ARFGEF3: variants seen among roughly 807,000 people sequenced by gnomAD.
ARFGEF3 encodes the protein ARFGEF family member 3, also known as brefeldin A-inhibited guanine nucleotide-exchange protein 3.
In ARFGEF3, 96 loss-of-function variants were observed where a neutral mutation model predicts 221.7. That is an observed-to-expected ratio of 0.43 (90% CI 0.37 to 0.51). The LOEUF (loss-of-function observed/expected upper bound fraction) is 0.51, where lower values mean the gene tolerates loss of function less well. ARFGEF3 is among the 20% of genes least tolerant of loss of function. The pLI is 0.00. For synonymous variants in ARFGEF3, 1,145 were observed against 1,126.8 expected, an observed-to-expected ratio of 1.02 and a Z score of -0.32; for missense variants, 2,410 against 2,789.9, an observed-to-expected ratio of 0.86 and a Z score of 3.07.
chr6:138,257,875 A>C (rs537263680), intron 10 of ARFGEF3, among the ~76,000 whole-genome samples: 1 of 152,226 alleles, frequency 6.6e-6, no homozygotes, highest in South Asian at 2.1e-4. Context: ...AAAATGCACT[A>C]AAGTTTGCTT....
At chr6:138,266,467 G>A (rs1778893789) in intron 12 of ARFGEF3, among the ~76,000 whole-genome samples, 1 of 152,070 alleles carries the variant, frequency 6.6e-6, no homozygotes, top group Admixed American at 6.6e-5. Context: ...TCAAACTCCT[G>A]GGCTCAAACA....
At chr6:138,293,513 C>T (rs190799674) in intron 19 of ARFGEF3, among the ~76,000 whole-genome samples, 95 of 152,278 alleles carry the variant, frequency 6.2e-4, no homozygotes, top group African/African-American at 9.1e-4. Flanking sequence ...GGCCAGTCCC[C>T]GCCCTGGAGG....
At chr6:138,197,815 C>T (rs990607742) in intron 2 of ARFGEF3, among the ~76,000 whole-genome samples, 12 of 152,186 alleles carry the variant, frequency 7.9e-5, no homozygotes, top group African/African-American at 2.9e-4. Flanking sequence ...TCAACTGCCA[C>T]TCTCCTTACA....
intron 12 of ARFGEF3, among the ~76,000 whole-genome samples, chr6:138,265,141 G>C (rs1341530577): frequency 6.6e-6 from 1 of 152,076 alleles, no homozygotes; most frequent in Non-Finnish European, 1.5e-5. Flanking sequence ...CTGACCTTGT[G>C]ATCCGCCCGC....
chr6:138,283,651 A>G (rs1470703764), intron 14 of ARFGEF3, among the ~76,000 whole-genome samples: 4 of 152,236 alleles, frequency 2.6e-5, no homozygotes, highest in Non-Finnish European at 5.9e-5. Flanking sequence ...AACTGTGGCC[A>G]TTCCTGATGT....
At chr6:138,276,668 CGTTTTTTT>C (rs1779102273) in intron 12 of ARFGEF3, among the ~76,000 whole-genome samples, 2 of 151,598 alleles carry the variant, frequency 1.3e-5, no homozygotes, top group African/African-American at 2.4e-5. Context: ...TTTTGTTTTT[CGTTTTTTT>C]GTTTTTTGAG....
chr6:138,332,896 A>G (rs1368982909), intron 32 of ARFGEF3, among the ~76,000 whole-genome samples: 1 of 152,234 alleles, frequency 6.6e-6, no homozygotes, highest in Non-Finnish European at 1.5e-5. Flanking sequence ...CACAAAGGGC[A>G]AAGTTAACAT....
At chr6:138,245,165 G>A (rs1778463244) in intron 7 of ARFGEF3, among the ~76,000 whole-genome samples, 1 of 152,084 alleles carries the variant, frequency 6.6e-6, no homozygotes, top group Non-Finnish European at 1.5e-5. Flanking sequence ...AGCTGGGTGT[G>A]GTGGCAGGCG....
In ARFGEF3 at chr6:138,296,828, A is replaced by G; in HGVS notation, c.3521A>G (p.Gln1174Arg). 1 of 1,613,916 alleles carries G rather than the reference A, an allele frequency of 6.2e-7. No individual in the cohort carries two copies. Among genetic ancestry groups the G allele is most frequent in the Non-Finnish European group, 8.5e-7 (1 of 1,179,846 alleles). Residue 1174 changes from glutamine to arginine, a missense_variant, in exon 21 of 34, where the codon CAA becomes CGA. This residue lies in a region of ARFGEF3 where 723 missense variants were observed against 991.9 expected (regional missense o/e 0.73). Coordinates refer to ENST00000251691, the MANE Select transcript of ARFGEF3 (RefSeq NM_020340.5). Reference protein sequence around the residue: ...LAMPGEVKSTQDRKSALHLFR... With the variant: ...LAMPGEVKSTRDRKSALHLFR... ...CCTGTAGGAGAAGTTAAATCCACTC[A>G]AGACCGAAAAAGCGCCCTCCACCTG...
chr6:138,331,655 A>G (rs919754750), intron 32 of ARFGEF3, among the ~76,000 whole-genome samples: 2 of 152,200 alleles, frequency 1.3e-5, no homozygotes, highest in African/African-American at 4.8e-5. Context: ...ATTAACTCTC[A>G]ATTATCCAGT....
intron 7 of ARFGEF3, 147 bp from the exon 8 acceptor site, chr6:138,245,366 C>T (rs887596283): frequency 9.4e-6 from 6 of 636,170 alleles, no homozygotes; most frequent in African/African-American, 5.5e-5. Flanking sequence ...GTGATCATCA[C>T]TTTGGTGGCC....
Position 138,335,089 on chromosome 6 carries a change from C to T in ARFGEF3, c.6243C>T (p.Ser2081=). The T allele has an allele frequency of 1.9e-6, 3 of 1,600,328 alleles. No individual in the cohort carries two copies. The highest frequency in any genetic ancestry group is 2.3e-5 in the South Asian group (2 of 88,074). Residue 2081 remains serine (S), a synonymous_variant, in exon 33 of 34, where the codon AGC becomes AGT. Transcript: ENST00000251691. The part of the protein sequence containing the change: ...MDQGQMRHSF[S]AGPELLRQDK... Reference sequence around the variant, plus strand: ...AAGGGCAAATGCGGCATTCCTTCAGCGCAGGCCCCGAGCTGCTGCGACAGG... The same window carrying T: ...AAGGGCAAATGCGGCATTCCTTCAGTGCAGGCCCCGAGCTGCTGCGACAGG...
At chr6:138,287,690 G>A (rs960377842) in intron 17 of ARFGEF3, among the ~76,000 whole-genome samples, 8 of 152,152 alleles carry the variant, frequency 5.3e-5, no homozygotes, top group African/African-American at 1.9e-4. Context: ...TCAGTGAGTC[G>A]GTGAAGCTGA....
chr6:138,294,237 A>C (rs925677688), intron 20 of ARFGEF3, 111 bp downstream of exon 20: 36 of 1,163,240 alleles, frequency 3.1e-5, no homozygotes, highest in Non-Finnish European at 4.3e-5. Context: ...CATTGCTTAC[A>C]CTCACACAAG....
chr6:138,213,930 C>T (rs1183275818), intron 4 of ARFGEF3, among the ~76,000 whole-genome samples: 1 of 152,092 alleles, frequency 6.6e-6, no homozygotes, highest in Non-Finnish European at 1.5e-5. Flanking sequence ...TTTGATAGGT[C>T]ACAAGTGAGG....
chr6:138,335,217 C>A (rs374451880), intron 33 of ARFGEF3, 29 bp downstream of exon 33: 1 of 1,496,892 alleles, frequency 6.7e-7, no homozygotes, highest in Non-Finnish European at 8.8e-7. Flanking sequence ...AGCAGGTGGG[C>A]GGGAGGCTGG....
At chr6:138,263,671 T>A (rs1778833914) in intron 12 of ARFGEF3, 60 bp downstream of exon 12, 2 of 1,403,336 alleles carry the variant, frequency 1.4e-6, no homozygotes, top group Non-Finnish European at 1.9e-6. Context: ...TTTGCCTTAA[T>A]GGGCAATTAC....
chr6:138,252,458 C>CT (rs113320603), intron 8 of ARFGEF3, among the ~76,000 whole-genome samples: 207 of 152,320 alleles, frequency 1.4e-3, no homozygotes, highest in African/African-American at 4.7e-3. Context: ...GACTCCACCC[C>CT]CTCACTATCC....
intron 12 of ARFGEF3, among the ~76,000 whole-genome samples, chr6:138,276,409 C>A (rs2114613027): frequency 6.6e-6 from 1 of 152,308 alleles, no homozygotes; most frequent in African/African-American, 2.4e-5. Flanking sequence ...ATCTTCAGAG[C>A]ATGAGATATA....
Sources: allele counts gnomAD v4.1 joint callset (sites outside exome capture counted in the v4.1 genomes callset), GRCh38; gene constraint gnomAD v4.1.1; regional missense constraint gnomAD v4.1.1; transcripts MANE v1.5; gene names NCBI Gene and HGNC (gene_info 2026-07-23, HGNC 2026-07-21).